The following WWTR1 variants were observed in gnomAD, a reference collection of about 807,000 sequenced individuals.
WWTR1 encodes WW domain containing transcription regulator 1.
WWTR1 carries 13 observed loss-of-function variants against 40.1 expected under a neutral mutation model. The observed-to-expected ratio is 0.32, with a 90% confidence interval of 0.21 to 0.52. The LOEUF (loss-of-function observed/expected upper bound fraction) is 0.52. Among genes scored for constraint, WWTR1 ranks in the 20% least tolerant of loss-of-function variants. The pLI, the probability that WWTR1 is intolerant of heterozygous loss-of-function variation, is 0.97. For missense variants in WWTR1, 436 were observed against 523.1 expected (o/e 0.83, Z 1.63); for synonymous variants, 230 against 210.1 (o/e 1.09, Z -0.82).
chr3:149,587,400 C>T (rs1248576971), intron 2 of WWTR1, among the ~76,000 whole-genome samples: 1 of 152,002 alleles, frequency 6.6e-6, no homozygotes, highest in Non-Finnish European at 1.5e-5. Flanking sequence ...GATGATGACC[C>T]CAATGTCCTT....
intron 3 of WWTR1, among the ~76,000 whole-genome samples, chr3:149,558,609 G>A (rs1044552764): frequency 3.9e-5 from 6 of 152,148 alleles, no homozygotes; most frequent in Non-Finnish European, 8.8e-5. Flanking sequence ...GGAACAAATC[G>A]TGTGCCTCCT....
intron 1 of WWTR1, among the ~76,000 whole-genome samples, chr3:149,681,188 T>A (rs768345271): frequency 4.6e-5 from 7 of 152,232 alleles, no homozygotes; most frequent in Non-Finnish European, 1.0e-4. Flanking sequence ...ATCAACTTTT[T>A]AAATAAATAC....
At chr3:149,678,608 C>T (rs1313979330) in intron 1 of WWTR1, among the ~76,000 whole-genome samples, 1 of 152,146 alleles carries the variant, frequency 6.6e-6, no homozygotes, top group Non-Finnish European at 1.5e-5. Flanking sequence ...CCCTACCCTG[C>T]CACTGTGAAG....
intron 3 of WWTR1, among the ~76,000 whole-genome samples, chr3:149,564,856 T>C (rs1434821275): frequency 2.0e-5 from 3 of 152,238 alleles, no homozygotes; most frequent in Non-Finnish European, 4.4e-5. Context: ...TCCATGTGTC[T>C]ACATGGTCTA....
chr3:149,677,704 G>T (rs571456824), intron 1 of WWTR1, among the ~76,000 whole-genome samples: 53 of 152,160 alleles, frequency 3.5e-4, no homozygotes, highest in Non-Finnish European at 6.6e-4. Flanking sequence ...ACGCGGTGTC[G>T]TGACGCGTGC....
At chr3:149,591,899 G>A (rs1251917530) in intron 2 of WWTR1, among the ~76,000 whole-genome samples, 1 of 152,064 alleles carries the variant, frequency 6.6e-6, no homozygotes, top group African/African-American at 2.4e-5. Flanking sequence ...GGAGGGGGTA[G>A]GAGAAAGAAT....
At chr3:149,564,539 T>G (rs1211224282) in intron 3 of WWTR1, among the ~76,000 whole-genome samples, 1 of 151,848 alleles carries the variant, frequency 6.6e-6, no homozygotes, top group Non-Finnish European at 1.5e-5. Context: ...ATAACCGCAT[T>G]ACAGAGAAAA....
chr3:149,657,205 A>G lies in WWTR1; in HGVS notation c.102T>C (p.Ser34=), dbSNP rs754819929. The G allele has an allele frequency of 3.1e-6, 5 of 1,612,140 alleles. No homozygotes were observed. In the South Asian group the frequency reaches 5.5e-5, roughly 18 times the overall value. The change falls in exon 2 of 7, where the codon TCT becomes TCC. Residue 34 remains serine, a synonymous_variant. Coordinates refer to ENST00000360632, the MANE Select transcript of WWTR1 (RefSeq NM_015472.6). ...LDTDLEALFN[S]VMNPKPSSWR... is the part of the protein sequence containing the mutation. Reference sequence around the variant, plus strand: ...ACGAGCTAGGCTTCGGATTCATGACAGAGTTGAAGAGGGCTTCGAGGTCTG... The same window carrying G: ...ACGAGCTAGGCTTCGGATTCATGACGGAGTTGAAGAGGGCTTCGAGGTCTG...
At chr3:149,658,796 A>G (rs1047563613), upstream of WWTR1, 1 of 152,458 alleles carries the variant, frequency 6.6e-6, no homozygotes, top group African/African-American at 2.4e-5. Flanking sequence ...GATTGAGAAG[A>G]AAAAGCTGGG....
intron 2 of WWTR1, among the ~76,000 whole-genome samples, chr3:149,612,492 TCC>T (rs1416159088): frequency 8.5e-5 from 13 of 152,314 alleles, no homozygotes; most frequent in Middle Eastern, 3.4e-3. Context: ...AATTTTCCTG[TCC>T]TTTGTACTTG....
At chr3:149,590,466 G>A (rs1277470492) in intron 2 of WWTR1, among the ~76,000 whole-genome samples, 1 of 152,022 alleles carries the variant, frequency 6.6e-6, no homozygotes, top group Non-Finnish European at 1.5e-5. Flanking sequence ...CCTGGCCAAC[G>A]TGGTGAAACC....
chr3:149,586,044 A>G (rs549414278), intron 2 of WWTR1, among the ~76,000 whole-genome samples: 2 of 152,364 alleles, frequency 1.3e-5, no homozygotes, highest in South Asian at 4.1e-4. Flanking sequence ...AATAAAAAAT[A>G]CATGATTGAT....
chr3:149,521,024 T>C lies in WWTR1; in HGVS notation c.1019-35A>G, dbSNP rs1469614047. 5 of 1,542,660 alleles carry C rather than the reference T, an allele frequency of 3.2e-6. No individual in the cohort carries two copies. In the South Asian group the frequency reaches 6.6e-5, roughly 20 times the overall value. On this transcript the variant is annotated intron_variant, in intron 6 of 6. Coordinates refer to ENST00000360632, the MANE Select transcript of WWTR1 (RefSeq NM_015472.6). ...AATGAAAAGAAACCATTTTAATTCC[T>C]TCTTTTAGGCTCTTGAAGGAGGAAC...
chr3:149,544,220 G>A (rs1020639846), intron 3 of WWTR1, among the ~76,000 whole-genome samples: 6 of 152,040 alleles, frequency 3.9e-5, no homozygotes, highest in East Asian at 3.9e-4. Flanking sequence ...ATATTTGAAC[G>A]ACATATATGT....
In WWTR1 at chr3:149,526,006, C is replaced by G; in HGVS notation, c.1018+7G>C. The G allele has an allele frequency of 6.4e-7, 1 of 1,567,246 alleles. No homozygotes were observed. Among genetic ancestry groups the G allele is most frequent in the Non-Finnish European group, 8.7e-7 (1 of 1,155,182 alleles). On this transcript the variant is annotated splice_region_variant and intron_variant, in intron 6 of 6. Coordinates refer to ENST00000360632, the MANE Select transcript of WWTR1 (RefSeq NM_015472.6). ...CCATTGTAAGTGCTTGCAGGCTTTG[C>G]TCCTACCTGTATCCATCTCATCCAC... is the stretch of plus-strand genomic sequence containing the variant.
intron 2 of WWTR1, among the ~76,000 whole-genome samples, chr3:149,582,138 A>T (rs1482750038): frequency 6.6e-6 from 1 of 152,136 alleles, no homozygotes; most frequent in African/African-American, 2.4e-5. Context: ...GAAGGTGAAC[A>T]GTTCAGTCAC....
At position 149,670,271 on chromosome 3, in the gene WWTR1, T is replaced by G. The variant is rs997354694; in HGVS notation, c.-107-380A>C. On this transcript the variant is annotated intron_variant, in intron 1 of 7. Coordinates refer to the WWTR1 transcript ENST00000465804. ...GGTTTTTATCACAGTGCGTACAGAC[T>G]GCATCACACAGGCTGACTTCTCCAT... 2.6e-5 allele frequency among the ~76,000 whole-genome samples: 4 copies of G among 152,204 alleles called. No individual in the cohort carries two copies. In the South Asian group the frequency reaches 6.2e-4, roughly 24 times the overall value.
rs201713741 is a variant in WWTR1 at position 149,722,592 on chromosome 3, A to G, written n.459+1488T>C. Among the ~76,000 whole-genome samples, 9 of 152,132 alleles carry G rather than the reference A, an allele frequency of 5.9e-5. No homozygotes were observed. The East Asian group carries it at 1.5e-3, about 26-fold the overall frequency. On this transcript the variant is annotated intron_variant and non_coding_transcript_variant, in intron 4 of 6. Transcript: ENST00000474080. ...CCAAATACTTAGGGAGTTTTTGATC[A>G]TCATTTCTTCAAATATTCTCTCTTC...
chr3:149,618,723 C>A (rs1011579625), intron 2 of WWTR1, among the ~76,000 whole-genome samples: 3 of 152,148 alleles, frequency 2.0e-5, no homozygotes, highest in African/African-American at 7.2e-5. Flanking sequence ...GAGACTTGAA[C>A]ACAGCTCTAT....
Sources: allele counts gnomAD v4.1 joint callset (sites outside exome capture counted in the v4.1 genomes callset), GRCh38; gene constraint gnomAD v4.1.1; transcripts MANE v1.5; gene names NCBI Gene and HGNC (gene_info 2026-07-23, HGNC 2026-07-21).